The following ZDHHC14 variants were observed in gnomAD, a reference collection of about 807,000 sequenced individuals.
ZDHHC14 encodes zDHHC palmitoyltransferase 14, also known as palmitoyltransferase ZDHHC14.
Under a neutral mutation model 47.7 loss-of-function variants are expected in ZDHHC14, and 16 were observed. The observed-to-expected ratio is 0.34, with a 90% CI of 0.23 to 0.51. The LOEUF is 0.51. ZDHHC14 is among the 20% of genes least tolerant of loss of function. The probability of loss-of-function intolerance (pLI) is 0.97; values close to 1 mark genes in which losing one functional copy is unlikely to be tolerated. For missense variants in ZDHHC14, 515 were observed against 662.5 expected (o/e 0.78, Z 2.44); for synonymous variants, 293 against 278.9 (o/e 1.05, Z -0.50).
chr6:157,607,769 C>T (rs1418285677), intron 3 of ZDHHC14, among the ~76,000 whole-genome samples: 1 of 146,482 alleles, frequency 6.8e-6, no homozygotes, highest in Non-Finnish European at 1.5e-5. Flanking sequence ...AAGAAAAGAA[C>T]CCTCAGTGTA....
At chr6:157,484,990 G>A (rs553191582) in intron 1 of ZDHHC14, among the ~76,000 whole-genome samples, 30 of 152,232 alleles carry the variant, frequency 2.0e-4, no homozygotes, top group South Asian at 6.2e-4. Flanking sequence ...CCAGCTACTC[G>A]GGAGGCTGAG....
At chr6:157,497,971 A>G (rs1780107364) in intron 1 of ZDHHC14, among the ~76,000 whole-genome samples, 1 of 152,250 alleles carries the variant, frequency 6.6e-6, no homozygotes, top group African/African-American at 2.4e-5. Context: ...TTTGATGAAG[A>G]CAGTAAGGGC....
At chr6:157,464,566 G>A (rs896400658) in intron 1 of ZDHHC14, among the ~76,000 whole-genome samples, 48 of 152,284 alleles carry the variant, frequency 3.2e-4, no homozygotes, top group African/African-American at 1.1e-3. Context: ...GTAGATTTTA[G>A]GGTGAATGTA....
intron 5 of ZDHHC14, among the ~76,000 whole-genome samples, chr6:157,645,022 G>A (rs977366157): frequency 6.6e-6 from 1 of 152,062 alleles, no homozygotes; most frequent in African/African-American, 2.4e-5. Flanking sequence ...GCGAGAACTC[G>A]TGGTTCCCAG....
chr6:157,555,079 A>G (rs1217927699), intron 2 of ZDHHC14, among the ~76,000 whole-genome samples: 1 of 152,156 alleles, frequency 6.6e-6, no homozygotes, highest in Non-Finnish European at 1.5e-5. Flanking sequence ...GTTCTCTTCC[A>G]GGGCCCCTCT....
intron 2 of ZDHHC14, among the ~76,000 whole-genome samples, chr6:157,553,555 C>T (rs1293827063): frequency 6.6e-6 from 1 of 151,906 alleles, no homozygotes; most frequent in African/African-American, 2.4e-5. Flanking sequence ...CTCCGAACCC[C>T]TGTCATGATC....
At chr6:157,652,862 G>A (rs1777903736) in intron 7 of ZDHHC14, among the ~76,000 whole-genome samples, 1 of 151,804 alleles carries the variant, frequency 6.6e-6, no homozygotes, top group African/African-American at 2.4e-5. Flanking sequence ...TCTGCCCTTG[G>A]GAGCTTGATT....
At chr6:157,622,139 G>A (rs1222931781) in intron 3 of ZDHHC14, among the ~76,000 whole-genome samples, 1 of 151,466 alleles carries the variant, frequency 6.6e-6, no homozygotes, top group East Asian at 1.9e-4. Flanking sequence ...GGGAGGCTGA[G>A]GCAGGTGGAT....
chr6:157,583,801 G>A (rs1186646908), intron 2 of ZDHHC14, among the ~76,000 whole-genome samples: 1 of 152,122 alleles, frequency 6.6e-6, no homozygotes, highest in African/African-American at 2.4e-5. Flanking sequence ...TCCTCAGCTT[G>A]GAGGCAGCAG....
At chr6:157,535,600 A>G (rs34180425) in intron 1 of ZDHHC14, among the ~76,000 whole-genome samples, 27,564 of 152,026 alleles carry the variant, frequency 0.18, 4,039 homozygotes, top group African/African-American at 0.4. Flanking sequence ...GGGCTCATTG[A>G]TTTAAATTCC....
At chr6:157,518,915 A>G (rs1431786785) in intron 1 of ZDHHC14, among the ~76,000 whole-genome samples, 3 of 152,212 alleles carry the variant, frequency 2.0e-5, no homozygotes, top group South Asian at 4.1e-4. Flanking sequence ...CACAAACGCT[A>G]CAAGCCATAC....
chr6:157,425,812 C>T (rs991036921), intron 1 of ZDHHC14, among the ~76,000 whole-genome samples: 7 of 152,160 alleles, frequency 4.6e-5, no homozygotes, highest in African/African-American at 1.2e-4. Flanking sequence ...CCAGCCACAC[C>T]GGCTGTCTTG....
chr6:157,394,423 TTC>T (rs919076111), intron 1 of ZDHHC14, among the ~76,000 whole-genome samples: 2 of 151,344 alleles, frequency 1.3e-5, no homozygotes, highest in Non-Finnish European at 3.0e-5. Flanking sequence ...TTCCACCTGC[TTC>T]TCTCTCTCTC....
chr6:157,474,256 C>T (rs754550709), intron 1 of ZDHHC14, among the ~76,000 whole-genome samples: 1 of 152,096 alleles, frequency 6.6e-6, no homozygotes, highest in Non-Finnish European at 1.5e-5. Flanking sequence ...CTCCCAAAGT[C>T]CTGCGACTAC....
chr6:157,421,342 A>T (rs1778097761), intron 1 of ZDHHC14, among the ~76,000 whole-genome samples: 2 of 151,402 alleles, frequency 1.3e-5, no homozygotes, highest in African/African-American at 4.9e-5. Context: ...TAAAAAAAAA[A>T]TTTGCTGGGT....
At chr6:157,515,850 C>A (rs1225331950) in intron 1 of ZDHHC14, among the ~76,000 whole-genome samples, 1 of 152,128 alleles carries the variant, frequency 6.6e-6, no homozygotes, top group African/African-American at 2.4e-5. Context: ...CTAACTGCAT[C>A]TAGATAGTTT....
At chr6:157,491,082 G>T (rs1336519473) in intron 1 of ZDHHC14, among the ~76,000 whole-genome samples, 1 of 152,112 alleles carries the variant, frequency 6.6e-6, no homozygotes, top group Non-Finnish European at 1.5e-5. Flanking sequence ...GCCGTTTCCC[G>T]CACTGCACCT....
rs192579858 is a variant in ZDHHC14 at position 157,466,031 on chromosome 6, G to A, written c.246-76554G>A. 4.5e-3 allele frequency among the ~76,000 whole-genome samples: 680 copies of A among 152,136 alleles called. 2 individuals carry two copies. The highest frequency in any genetic ancestry group is 8.0e-3 in the Admixed American group (122 of 15,288). On this transcript the variant is annotated intron_variant, in intron 1 of 8. Transcript: ENST00000359775. ...CACTCCAGCCTGGGCGACAGAGTGA[G>A]ATTCTGTCTCAAAGAAAAAAAAAAG...
chr6:157,440,847 A>G (rs1449096588), intron 1 of ZDHHC14, among the ~76,000 whole-genome samples: 2 of 152,206 alleles, frequency 1.3e-5, no homozygotes, highest in African/African-American at 4.8e-5. Flanking sequence ...CATGTGTACA[A>G]GTTTTCTTTT....
Sources: gnomAD v4.1 joint callset for allele counts (sites outside exome capture counted in the v4.1 genomes callset) on GRCh38, gnomAD v4.1.1 for gene constraint, MANE v1.5 for transcripts, NCBI Gene and HGNC (gene_info 2026-07-23, HGNC 2026-07-21) for gene names.